Variants in EDA2R observed in about 807,000 individuals in gnomAD.
EDA2R encodes ectodysplasin A2 receptor.
In EDA2R, 26 loss-of-function variants were observed where a neutral mutation model predicts 20.1. The observed-to-expected ratio is 1.30, with a 90% confidence interval of 0.95 to 1.80. EDA2R has a LOEUF of 1.80. EDA2R is among the 40% of genes most tolerant of loss of function. The pLI is 0.00. For missense variants in EDA2R, 277 were observed against 228.7 expected (o/e 1.21, Z -1.36); for synonymous variants, 114 against 88.7 (o/e 1.29, Z -1.60).
intron 3 of EDA2R, 51 bp from the exon 4 acceptor site, chrX:66,604,557 T>C: frequency 9.2e-7 from 1 of 1,087,098 alleles, no homozygotes; most frequent in Non-Finnish European, 1.3e-6. Flanking sequence ...AGCAATGCAC[T>C]TGGACCAGTT....
intron 1 of EDA2R, among the ~76,000 whole-genome samples, chrX:66,618,875 A>G (rs1242988235): frequency 8.9e-6 from 1 of 112,440 alleles, no homozygotes; most frequent in Non-Finnish European, 1.9e-5. Context: ...CCTCAAACAA[A>G]TAGTTTTACC....
intron 1 of EDA2R, among the ~76,000 whole-genome samples, chrX:66,631,973 T>C (rs1343515018): frequency 1.8e-5 from 2 of 111,710 alleles, no homozygotes; most frequent in Non-Finnish European, 3.8e-5. Flanking sequence ...GTCAAATGCA[T>C]AAAAACACCA....
intron 1 of EDA2R, among the ~76,000 whole-genome samples, chrX:66,632,379 G>T (rs1933909321): frequency 1.8e-5 from 2 of 110,544 alleles, no homozygotes; most frequent in Non-Finnish European, 3.8e-5. Flanking sequence ...AGCCGAGATT[G>T]TGCCACTGTA....
intron 1 of EDA2R, among the ~76,000 whole-genome samples, chrX:66,631,359 AT>A (rs776885039): frequency 9.0e-6 from 1 of 111,064 alleles, no homozygotes; most frequent in Non-Finnish European, 1.9e-5. Context: ...AACCTATGGA[AT>A]TTTTTTTAAT....
chrX:66,597,939 G>T lies in EDA2R; in HGVS notation c.*165C>A. ...GCTCCAGATCAGTCCTTGTGAAATG[G>T]AGAATCAATCCTCTGGTGGGATGGG... On this transcript the variant is annotated 3_prime_UTR_variant, in exon 7 of 7. Coordinates refer to ENST00000374719, the MANE Select transcript of EDA2R (RefSeq NM_021783.5). 2 of 707,088 alleles carry T rather than the reference G, an allele frequency of 2.8e-6. No homozygotes were observed. Among genetic ancestry groups the T allele is most frequent in the South Asian group, 6.6e-5 (2 of 30,420 alleles). 58.3% of individuals were successfully genotyped at this position (707,088 alleles called of 1,213,427 possible).
At chrX:66,607,041 G>A (rs896340931) in intron 2 of EDA2R, among the ~76,000 whole-genome samples, 2 of 112,023 alleles carry the variant, frequency 1.8e-5, no homozygotes, top group African/African-American at 6.5e-5. Flanking sequence ...GCTGGGGGAG[G>A]TTCCTTTAGA....
At chrX:66,630,024 A>C (rs755363014) in intron 1 of EDA2R, among the ~76,000 whole-genome samples, 1 of 111,770 alleles carries the variant, frequency 8.9e-6, no homozygotes, top group South Asian at 3.8e-4. Context: ...TCAAAAACCC[A>C]GAAATAACCC....
intron 2 of EDA2R, among the ~76,000 whole-genome samples, chrX:66,608,278 T>A (rs1037404236): frequency 1.8e-4 from 20 of 110,875 alleles, no homozygotes; most frequent in African/African-American, 6.6e-4. Flanking sequence ...AGAATGAATA[T>A]TTGAAGAAAT....
At chrX:66,602,898 G>T in intron 4 of EDA2R, 101 bp from the exon 5 acceptor site, 1 of 781,934 alleles carries the variant, frequency 1.3e-6, no homozygotes, top group Non-Finnish European at 1.8e-6. Context: ...TTCTCCCTAG[G>T]GCCTTCCCCA....
At chrX:66,624,868 A>C (rs1190484119) in intron 1 of EDA2R, among the ~76,000 whole-genome samples, 2 of 112,303 alleles carry the variant, frequency 1.8e-5, no homozygotes, top group Non-Finnish European at 3.8e-5. Flanking sequence ...TCCATTCCTT[A>C]ACACACACCC....
chrX:66,603,842 G>A (rs781076276), intron 4 of EDA2R, among the ~76,000 whole-genome samples: 3 of 111,518 alleles, frequency 2.7e-5, no homozygotes, highest in Non-Finnish European at 5.7e-5. Flanking sequence ...ATAGATGCTG[G>A]GTGATTGCAT....
intron 2 of EDA2R, among the ~76,000 whole-genome samples, chrX:66,613,553 A>G (rs755098654): frequency 8.9e-6 from 1 of 112,021 alleles, no homozygotes; most frequent in East Asian, 2.8e-4. Flanking sequence ...TCATGAAAAT[A>G]TCTATTATTC....
At position 66,602,697 on chromosome X, in the gene EDA2R, G is replaced by T. The variant is rs1343772704; in HGVS notation, c.453C>A (p.Thr151=). 6 of 1,199,696 alleles carry T rather than the reference G, an allele frequency of 5.0e-6. No individual in the cohort carries two copies. Among genetic ancestry groups the T allele is most frequent in the Admixed American group, 4.5e-5 (2 of 44,675 alleles). The stretch of plus-strand genomic sequence containing the variant: ...GGAAGAAGAGCCCCAGGAAGGCCAG[G>T]GTAAACACCACTAGCAGGCTGCTCA... ...ALVSSLLVVF[T]LAFLGLFFLY... is the part of the protein sequence containing the mutation. The change falls in exon 5 of 7, where the codon ACC becomes ACA. Residue 151 remains threonine, a synonymous_variant. Transcript: ENST00000374719.
intron 1 of EDA2R, among the ~76,000 whole-genome samples, chrX:66,625,010 C>T (rs912771784): frequency 1.3e-4 from 15 of 111,705 alleles, no homozygotes; most frequent in Admixed American, 7.6e-4. Context: ...GAGGAAGCAG[C>T]GGGAAAAGCC....
chrX:66,638,792 A>C (rs922192624), intron 1 of EDA2R, among the ~76,000 whole-genome samples: 6 of 111,050 alleles, frequency 5.4e-5, no homozygotes, highest in Non-Finnish European at 1.1e-4. Context: ...GATCCTAGAG[A>C]TGTCAGCCCA....
At chrX:66,605,344 C>T (rs1929481873) in intron 2 of EDA2R, 118 bp from the exon 3 acceptor site, 3 of 553,672 alleles carry the variant, frequency 5.4e-6, no homozygotes, top group Admixed American at 4.6e-5. Context: ...ATTACTAAGT[C>T]ATAAAACCAA....
Position 66,631,007 on chromosome X carries a change from GTGTGTATATATACATATACACACACA to G in EDA2R, c.-11+7962_-11+7987del, listed in dbSNP as rs1933737016. ...TGTATGTACATAAAAACACACGTTT[GTGTGTATATATACATATACACACACA>G]TGTGTGTATATGTATATATACACAT... On this transcript the variant is annotated intron_variant, in intron 1 of 6. Coordinates refer to ENST00000374719, the MANE Select transcript of EDA2R (RefSeq NM_021783.5). Among the ~76,000 whole-genome samples the G allele has an allele frequency of 2.7e-5, 3 of 109,408 alleles. No homozygotes were observed. The Admixed American group carries it at 2.9e-4, about 11-fold the overall frequency.
At chrX:66,612,636 G>T (rs187145923) in intron 2 of EDA2R, among the ~76,000 whole-genome samples, 147 of 110,726 alleles carry the variant, frequency 1.3e-3, no homozygotes, top group African/African-American at 4.4e-3. Context: ...CAAATAGAGG[G>T]ACAAAAGAAA....
At chrX:66,631,802 T>G (rs1203973460) in intron 1 of EDA2R, among the ~76,000 whole-genome samples, 1 of 111,427 alleles carries the variant, frequency 9.0e-6, no homozygotes, top group East Asian at 2.8e-4. Context: ...CTAAGTGCCA[T>G]GAGAAGCGTG....
Sources: gnomAD v4.1 joint callset for allele counts (sites outside exome capture counted in the v4.1 genomes callset) on GRCh38, gnomAD v4.1.1 for gene constraint, MANE v1.5 for transcripts, NCBI Gene and HGNC (gene_info 2026-07-23, HGNC 2026-07-21) for gene names.